FAM135B: variants seen among roughly 807,000 people sequenced by gnomAD.
FAM135B encodes the protein protein FAM135B.
A neutral mutation model predicts 127.7 loss-of-function variants in FAM135B; 43 were observed. The ratio of observed to expected loss-of-function variants is 0.34; its 90% CI spans 0.26 to 0.43. The LOEUF (loss-of-function observed/expected upper bound fraction) is 0.43. Among genes scored for constraint, FAM135B ranks in the 20% least tolerant of loss-of-function variants. The pLI is 1.00. For synonymous variants in FAM135B, 670 were observed against 665.1 expected, an observed-to-expected ratio of 1.01 and a Z score of -0.11; for missense variants, 1,558 against 1,725.6, an observed-to-expected ratio of 0.90 and a Z score of 1.72.
At chr8:138,349,140 A>C (rs1048809656) in intron 2 of FAM135B, among the ~76,000 whole-genome samples, 3 of 152,252 alleles carry the variant, frequency 2.0e-5, no homozygotes, top group Non-Finnish European at 4.4e-5. Flanking sequence ...AACCCCCTTC[A>C]GTTCACCTGG....
chr8:138,200,355 T>G (rs1432679819), intron 7 of FAM135B, among the ~76,000 whole-genome samples: 1 of 152,156 alleles, frequency 6.6e-6, no homozygotes, highest in Non-Finnish European at 1.5e-5. Context: ...ATATTAAGGT[T>G]TAATACAGAG....
At chr8:138,480,891 T>A (rs566954493) in intron 1 of FAM135B, among the ~76,000 whole-genome samples, 2 of 152,342 alleles carry the variant, frequency 1.3e-5, no homozygotes, top group Admixed American at 1.3e-4. Flanking sequence ...TCTCTGAGCT[T>A]CAGAATCTTC....
At chr8:138,200,336 T>C (rs150971359) in intron 7 of FAM135B, among the ~76,000 whole-genome samples, 3 of 152,318 alleles carry the variant, frequency 2.0e-5, no homozygotes, top group African/African-American at 7.2e-5. Context: ...TTTCTACAAC[T>C]TTCCTATTAT....
intron 3 of FAM135B, among the ~76,000 whole-genome samples, chr8:138,273,705 T>C (rs1387374549): frequency 6.6e-6 from 1 of 152,184 alleles, no homozygotes; most frequent in Non-Finnish European, 1.5e-5. Context: ...AGCCAGATGA[T>C]GCCTCATGCC....
chr8:138,277,451 C>A (rs1823918556), intron 3 of FAM135B, among the ~76,000 whole-genome samples: 1 of 152,212 alleles, frequency 6.6e-6, no homozygotes, highest in African/African-American at 2.4e-5. Context: ...TTGACTCAGA[C>A]TTGGCCCTGG....
chr8:138,495,244 T>A (rs1326428849), intron 1 of FAM135B, among the ~76,000 whole-genome samples: 1 of 152,188 alleles, frequency 6.6e-6, no homozygotes, highest in Non-Finnish European at 1.5e-5. Context: ...TTAGTTAGTA[T>A]CCCCATTCTC....
At chr8:138,421,310 CA>C (rs576548764) in intron 1 of FAM135B, among the ~76,000 whole-genome samples, 27 of 150,134 alleles carry the variant, frequency 1.8e-4, no homozygotes, top group African/African-American at 3.7e-4. Context: ...GAGACTCTGT[CA>C]AAAAAAAATA....
chr8:138,230,232 C>T (rs986991391), intron 7 of FAM135B, among the ~76,000 whole-genome samples: 1 of 152,160 alleles, frequency 6.6e-6, no homozygotes, highest in Non-Finnish European at 1.5e-5. Flanking sequence ...ACTCTTTTTC[C>T]ACACCTAGAG....
Position 138,153,193 on chromosome 8 carries a change from T to C in FAM135B, c.1282A>G (p.Asn428Asp). 6.3e-7 allele frequency: 1 copy of C among 1,582,810 alleles called. No individual in the cohort carries two copies. The highest frequency in any genetic ancestry group is 1.2e-5 in the South Asian group (1 of 86,398). Residue 428 changes from asparagine (N) to aspartate (D), a missense_variant, in exon 13 of 20, where the codon AAT becomes GAT. Asn to Asp is a conservative substitution (Grantham distance 23). Coordinates refer to ENST00000395297, the MANE Select transcript of FAM135B (RefSeq NM_015912.4). The part of the protein sequence containing the change: ...ATGHNLSVYP[N>D]FDVPVTSPTI... ...GGACTTGTCACTGGAACATCAAAATTAGGATAAACACTCAAGTTATGCCCT... is the reference window on the plus strand; with the variant it reads ...GGACTTGTCACTGGAACATCAAAATCAGGATAAACACTCAAGTTATGCCCT...
chr8:138,456,314 A>C (rs1836773525), intron 1 of FAM135B, among the ~76,000 whole-genome samples: 1 of 152,258 alleles, frequency 6.6e-6, no homozygotes. Context: ...TGCAATTTAC[A>C]AAGTCAGGTA....
At chr8:138,482,906 T>G (rs1216775493) in intron 1 of FAM135B, among the ~76,000 whole-genome samples, 8 of 152,112 alleles carry the variant, frequency 5.3e-5, no homozygotes, top group Non-Finnish European at 1.0e-4. Flanking sequence ...CTATTTTAGC[T>G]TCCATCCACC....
chr8:138,314,930 A>G (rs1179781784), intron 2 of FAM135B, among the ~76,000 whole-genome samples: 1 of 151,040 alleles, frequency 6.6e-6, no homozygotes, highest in Non-Finnish European at 1.5e-5. Flanking sequence ...ATACAAATAG[A>G]GAAAATAGTT....
At position 138,371,391 on chromosome 8, in the gene FAM135B, C is replaced by A. The variant is rs548042206; in HGVS notation, c.-19-3389G>T. ...ATACATACAATATGCATTGATAAAA[C>A]ACACACACACAAATCTTCATCACAC... On this transcript the variant is annotated intron_variant, in intron 1 of 19. Coordinates refer to ENST00000395297, the MANE Select transcript of FAM135B (RefSeq NM_015912.4). 7.9e-5 allele frequency among the ~76,000 whole-genome samples: 12 copies of A among 152,130 alleles called. No individual in the cohort carries two copies. In the South Asian group the frequency reaches 2.5e-3, roughly 32 times the overall value.
At chr8:138,273,095 G>T (rs1823512400) in intron 3 of FAM135B, among the ~76,000 whole-genome samples, 1 of 152,234 alleles carries the variant, frequency 6.6e-6, no homozygotes, top group South Asian at 2.1e-4. Context: ...CATGCTGCTG[G>T]ATTAATAGGA....
At chr8:138,412,165 C>T (rs2131410371) in intron 1 of FAM135B, among the ~76,000 whole-genome samples, 1 of 152,304 alleles carries the variant, frequency 6.6e-6, no homozygotes, top group South Asian at 2.1e-4. Context: ...GCCTCAGCAT[C>T]ATGCAATATA....
At chr8:138,460,709 AT>A (rs5895529) in intron 1 of FAM135B, among the ~76,000 whole-genome samples, 2 of 151,494 alleles carry the variant, frequency 1.3e-5, no homozygotes, top group East Asian at 1.9e-4. Flanking sequence ...TTCTGGAAGG[AT>A]TTTTTTTTCT....
chr8:138,257,891 A>AT (rs1056512047), intron 4 of FAM135B, among the ~76,000 whole-genome samples: 2 of 141,854 alleles, frequency 1.4e-5, no homozygotes, highest in Non-Finnish European at 3.2e-5. Context: ...AAAATAAAAA[A>AT]AAAAATAAAA....
chr8:138,384,356 T>G (rs1247496325), intron 1 of FAM135B, among the ~76,000 whole-genome samples: 19 of 150,640 alleles, frequency 1.3e-4, no homozygotes, highest in Admixed American at 6.0e-4. Flanking sequence ...ATTTATTTAT[T>G]TATTTATTTA....
At chr8:138,221,369 G>A (rs748086348) in intron 7 of FAM135B, among the ~76,000 whole-genome samples, 57 of 152,236 alleles carry the variant, frequency 3.7e-4, no homozygotes, top group Non-Finnish European at 7.5e-4. Flanking sequence ...ACAGCACCAA[G>A]GGGGATGGTG....
Sources: gnomAD v4.1 joint callset for allele counts (sites outside exome capture counted in the v4.1 genomes callset) on GRCh38, gnomAD v4.1.1 for gene constraint, MANE v1.5 for transcripts, NCBI Gene and HGNC (gene_info 2026-07-23, HGNC 2026-07-21) for gene names.